Variants in CIT observed in about 807,000 individuals in gnomAD.
The protein encoded by CIT is citron rho-interacting serine/threonine kinase, also known as citron Rho-interacting kinase.
Under a neutral mutation model 272.7 loss-of-function variants are expected in CIT, and 79 were observed. The ratio of observed to expected loss-of-function variants is 0.29; its 90% CI spans 0.24 to 0.35. CIT has a LOEUF of 0.35. Among genes scored for constraint, CIT ranks in the 10% least tolerant of loss-of-function variants. The pLI is 1.00. For synonymous variants in CIT, 948 were observed against 995.6 expected (o/e 0.95, Z 0.90); for missense variants, 1,909 against 2,618.3 (o/e 0.73, Z 5.91).
intron 20 of CIT, 58 bp downstream of exon 20, chr12:119,760,881 C>T (rs1049310258): frequency 1.9e-5 from 21 of 1,080,044 alleles, no homozygotes; most frequent in Non-Finnish European, 2.7e-5. Flanking sequence ...AGGGGTGATT[C>T]TTGGCATATT....
chr12:119,822,743 G>A, intron 9 of CIT, 77 bp downstream of exon 9: 1 of 1,493,366 alleles, frequency 6.7e-7, no homozygotes, highest in Non-Finnish European at 9.2e-7. Context: ...AGCTTCTTTG[G>A]GCCAGAACAA....
chr12:119,739,526 C>T (rs919235554), intron 24 of CIT, among the ~76,000 whole-genome samples: 1 of 152,120 alleles, frequency 6.6e-6, no homozygotes, highest in Non-Finnish European at 1.5e-5. Flanking sequence ...GTCTTTAAAG[C>T]GGTCTTGAAC....
chr12:119,788,046 G>A (rs1964965872), intron 10 of CIT, among the ~76,000 whole-genome samples: 1 of 152,178 alleles, frequency 6.6e-6, no homozygotes, highest in Non-Finnish European at 1.5e-5. Flanking sequence ...TGCTTAAAAT[G>A]GTAAAACTCA....
Position 119,697,755 on chromosome 12 carries a change from G to A in CIT, c.5786C>T (p.Ser1929Phe). Reference protein sequence around the residue: ...AISSGAIYLASSYQDKLRVIC... With the variant: ...AISSGAIYLAFSYQDKLRVIC... Reference sequence around the variant, plus strand: ...GACCCTTAATTTATCCTGGTATGAGGACGCCAAGTAAATCGCTCCTGAGGA... The same window carrying A: ...GACCCTTAATTTATCCTGGTATGAGAACGCCAAGTAAATCGCTCCTGAGGA... Residue 1929 changes from serine (S) to phenylalanine (F), a missense_variant, in exon 46 of 48, where the codon TCC becomes TTC. This residue lies in a region of CIT where 780 missense variants were observed against 1,067.2 expected (regional missense o/e 0.73). Coordinates refer to ENST00000392521, the MANE Select transcript of CIT (RefSeq NM_001206999.2). This position sits in a 1 kb window ranked among gnomAD's most constrained non-coding sequence, Gnocchi z 4.9. The A allele has an allele frequency of 6.2e-7, 1 of 1,614,170 alleles. No individual in the cohort carries two copies. Among genetic ancestry groups the A allele is most frequent in the Non-Finnish European group, 8.5e-7 (1 of 1,180,038 alleles).
chr12:119,690,749 T>C lies in CIT; in HGVS notation c.5883-295A>G, dbSNP rs764035204. On this transcript the variant is annotated intron_variant, in intron 46 of 47. Coordinates refer to ENST00000392521, the MANE Select transcript of CIT (RefSeq NM_001206999.2). This position sits in a 1 kb window ranked among gnomAD's most constrained non-coding sequence, Gnocchi z 6.0. ...TCATCTGCCATCTCTCATTATCTCA[T>C]TAAATCATCACAGCAGCTCCTGAGC... 6.6e-6 allele frequency among the ~76,000 whole-genome samples: 1 copy of C among 152,192 alleles called. No homozygotes were observed. The highest frequency in any genetic ancestry group is 2.1e-4 in the South Asian group (1 of 4,830).
intron 41 of CIT, among the ~76,000 whole-genome samples, chr12:119,702,611 C>T (rs1160907103): frequency 3.3e-5 from 5 of 151,860 alleles, no homozygotes; most frequent in African/African-American, 1.2e-4. Flanking sequence ...CGCTCAAACC[C>T]GGGAGGCAGA....
intron 7 of CIT, among the ~76,000 whole-genome samples, chr12:119,831,842 C>T (rs1244964936): frequency 6.6e-6 from 1 of 152,016 alleles, no homozygotes; most frequent in East Asian, 1.9e-4. Flanking sequence ...TGCACTCCAG[C>T]CTGGGGGACA....
intron 27 of CIT, 49 bp downstream of exon 27, chr12:119,730,446 G>A (rs767481566): frequency 3.9e-6 from 6 of 1,539,394 alleles, no homozygotes; most frequent in Non-Finnish European, 5.3e-6. Context: ...GCCTTTAAAA[G>A]AAGGAAACGA....
chr12:119,790,574 TGAGA>T (rs1017734664), intron 10 of CIT, among the ~76,000 whole-genome samples: 1 of 151,938 alleles, frequency 6.6e-6, no homozygotes, highest in Non-Finnish European at 1.5e-5. Flanking sequence ...AGCGTGTGTG[TGAGA>T]GAGAGAGACA....
chr12:119,743,048 A>C (rs572907757), intron 23 of CIT, among the ~76,000 whole-genome samples: 1 of 152,320 alleles, frequency 6.6e-6, no homozygotes, highest in African/African-American at 2.4e-5. Context: ...AGCTGCCTTA[A>C]ACCAGCAGCA....
chr12:119,800,467 A>G (rs1407954788), intron 10 of CIT, among the ~76,000 whole-genome samples: 2 of 152,244 alleles, frequency 1.3e-5, no homozygotes, highest in Non-Finnish European at 2.9e-5. Flanking sequence ...CCAAAAAACG[A>G]GGAGCTATCA....
At chr12:119,785,161 C>CAAGAGCA in intron 10 of CIT, 96 bp from the exon 11 acceptor site, 1 of 1,325,600 alleles carries the variant, frequency 7.5e-7, no homozygotes, top group Non-Finnish European at 1.0e-6. Context: ...ACAAAAACAT[C>CAAGAGCA]TCATGCTCTT....
At chr12:119,843,342 G>A (rs139073989) in intron 5 of CIT, among the ~76,000 whole-genome samples, 171 of 152,260 alleles carry the variant, frequency 1.1e-3, no homozygotes, top group Non-Finnish European at 2.2e-3. Flanking sequence ...TGGAAGACCT[G>A]GGAGAAGGGC....
At chr12:119,799,072 T>C (rs972271501) in intron 10 of CIT, among the ~76,000 whole-genome samples, 2 of 152,154 alleles carry the variant, frequency 1.3e-5, no homozygotes, top group Non-Finnish European at 2.9e-5. Context: ...AACTGCATAT[T>C]AACTCTTTGT....
chr12:119,802,873 C>T (rs1043528988), intron 10 of CIT, among the ~76,000 whole-genome samples: 3 of 152,176 alleles, frequency 2.0e-5, no homozygotes, highest in Admixed American at 1.3e-4. Context: ...AACTCCTGCA[C>T]ATTTCTCCTT....
chr12:119,706,679 AGTCTACCATT>A (rs1367092478), intron 40 of CIT, among the ~76,000 whole-genome samples: 4 of 152,220 alleles, frequency 2.6e-5, no homozygotes, highest in African/African-American at 9.6e-5. Flanking sequence ...TTCTTTATCC[AGTCTACCATT>A]GATGGGCATT....
rs373704313 is a variant in CIT at position 119,735,882 on chromosome 12, T to C, written c.2959-525A>G. Among the ~76,000 whole-genome samples the C allele has an allele frequency of 2.6e-5, 4 of 152,268 alleles. No homozygotes were observed. In the East Asian group the frequency reaches 5.8e-4, roughly 22 times the overall value. ...ATCACAAGCAATAAATTTAATTTCA[T>C]ACAACAAAGGAAAAAAACTTCAGGG... On this transcript the variant is annotated intron_variant, in intron 24 of 47. Coordinates refer to ENST00000392521, the MANE Select transcript of CIT (RefSeq NM_001206999.2).
chr12:119,834,042 C>G (rs374697455), intron 6 of CIT, 44 bp downstream of exon 6: 1 of 1,559,334 alleles, frequency 6.4e-7, no homozygotes, highest in Non-Finnish European at 8.7e-7. Context: ...TTATGCGACA[C>G]AGGAAAATCC....
intron 24 of CIT, among the ~76,000 whole-genome samples, chr12:119,736,030 A>C (rs1218781072): frequency 1.3e-5 from 2 of 152,208 alleles, no homozygotes; most frequent in African/African-American, 4.8e-5. Context: ...TTTTATTGAG[A>C]GAGATTTAAT....
Sources: allele counts gnomAD v4.1 joint callset (sites outside exome capture counted in the v4.1 genomes callset), GRCh38; gene constraint gnomAD v4.1.1; regional missense constraint gnomAD v4.1.1; non-coding constraint Gnocchi (gnomAD v3.1); transcripts MANE v1.5; gene names NCBI Gene and HGNC (gene_info 2026-07-23, HGNC 2026-07-21).